The following LSAMP variants were observed in gnomAD, a reference collection of about 807,000 sequenced individuals.
The protein encoded by LSAMP is limbic system associated membrane protein, also known as limbic system-associated membrane protein.
Under a neutral mutation model 38.6 loss-of-function variants are expected in LSAMP, and 7 were observed. The ratio of observed to expected loss-of-function variants is 0.18; its 90% CI spans 0.10 to 0.34. The LOEUF is 0.34. LSAMP is among the 10% of genes least tolerant of loss of function. The probability of loss-of-function intolerance (pLI) is 1.00; values close to 1 mark genes in which losing one functional copy is unlikely to be tolerated. For synonymous variants in LSAMP, 154 were observed against 166.8 expected (o/e 0.92, Z 0.59); for missense variants, 313 against 420.0 (o/e 0.75, Z 2.23).
At chr3:115,946,788 CTAT>C (rs1469385956) in intron 3 of LSAMP, among the ~76,000 whole-genome samples, 5 of 151,900 alleles carry the variant, frequency 3.3e-5, no homozygotes, top group Non-Finnish European at 4.4e-5. Flanking sequence ...TTTGAGGTCA[CTAT>C]AATCTCAATA....
In LSAMP at chr3:116,224,443, A is replaced by G. The variant is rs532325555; in HGVS notation, c.156-137887T>C. Among the ~76,000 whole-genome samples the G allele has an allele frequency of 1.2e-4, 18 of 152,346 alleles. No individual in the cohort carries two copies. In the South Asian group the frequency reaches 3.5e-3, roughly 30 times the overall value. The stretch of plus-strand genomic sequence containing the variant: ...GCCTTTCCTTTTAGAATAACTGTTC[A>G]ACTCACTGGCAGATTGCAATGGAAT... On this transcript the variant is annotated intron_variant, in intron 1 of 6. Coordinates refer to ENST00000490035, the MANE Select transcript of LSAMP (RefSeq NM_002338.5).
chr3:115,868,145 C>T (rs1182017447), intron 3 of LSAMP, among the ~76,000 whole-genome samples: 1 of 152,146 alleles, frequency 6.6e-6, no homozygotes, highest in African/African-American at 2.4e-5. Context: ...TTAGCTCCTA[C>T]ATTCAACTCA....
intron 1 of LSAMP, among the ~76,000 whole-genome samples, chr3:116,373,315 G>C (rs1334091639): frequency 6.6e-6 from 1 of 151,452 alleles, no homozygotes; most frequent in Non-Finnish European, 1.5e-5. Context: ...GATGAAACTT[G>C]AAGGCATTAT....
At chr3:116,383,778 C>T (rs1415440394) in intron 1 of LSAMP, among the ~76,000 whole-genome samples, 1 of 152,120 alleles carries the variant, frequency 6.6e-6, no homozygotes, top group Admixed American at 6.6e-5. Flanking sequence ...TGTTCTTATT[C>T]ACCAATGCCA....
At chr3:116,372,141 C>T (rs1013885882) in intron 1 of LSAMP, among the ~76,000 whole-genome samples, 1 of 151,938 alleles carries the variant, frequency 6.6e-6, no homozygotes, top group Non-Finnish European at 1.5e-5. Flanking sequence ...ATCAAAATCC[C>T]AATGACATTT....
intron 3 of LSAMP, among the ~76,000 whole-genome samples, chr3:115,966,981 A>G (rs1428255959): frequency 6.6e-6 from 1 of 152,214 alleles, no homozygotes; most frequent in African/African-American, 2.4e-5. Context: ...AGAACTTTAA[A>G]GATATAGGTA....
intron 1 of LSAMP, among the ~76,000 whole-genome samples, chr3:116,087,115 G>T (rs73139194): frequency 0.064 from 9,678 of 152,246 alleles, 387 homozygotes; most frequent in Non-Finnish European, 0.094. Flanking sequence ...TAAGGGGATA[G>T]GTGTTATGAC....
chr3:116,115,682 C>CA (rs796405320), intron 1 of LSAMP, among the ~76,000 whole-genome samples: 2 of 150,230 alleles, frequency 1.3e-5, no homozygotes, highest in Admixed American at 6.9e-5. Context: ...AAAAACAAAA[C>CA]AAAAAAAACT....
intron 1 of LSAMP, among the ~76,000 whole-genome samples, chr3:116,345,375 C>T (rs918486080): frequency 6.6e-6 from 1 of 151,968 alleles, no homozygotes; most frequent in Non-Finnish European, 1.5e-5. Flanking sequence ...GGCTGTCAAC[C>T]CCTCAGAGCA....
At chr3:115,823,335 T>C (rs927733263) in intron 6 of LSAMP, among the ~76,000 whole-genome samples, 6 of 152,232 alleles carry the variant, frequency 3.9e-5, no homozygotes, top group African/African-American at 1.4e-4. Context: ...GGGCAGCTCC[T>C]GGGCCTGCCT....
At chr3:116,042,698 G>A (rs1941202150) in intron 2 of LSAMP, among the ~76,000 whole-genome samples, 1 of 152,154 alleles carries the variant, frequency 6.6e-6, no homozygotes, top group South Asian at 2.1e-4. Flanking sequence ...AAAGTGCTGG[G>A]ATTACAGGTG....
intron 3 of LSAMP, among the ~76,000 whole-genome samples, chr3:115,988,128 G>A (rs1392837823): frequency 3.3e-5 from 5 of 152,082 alleles, no homozygotes; most frequent in Non-Finnish European, 5.9e-5. Flanking sequence ...AAGTAAACCA[G>A]ACAAAGGTAA....
At chr3:115,950,583 G>A (rs1938249924) in intron 3 of LSAMP, among the ~76,000 whole-genome samples, 1 of 151,968 alleles carries the variant, frequency 6.6e-6, no homozygotes, top group African/African-American at 2.4e-5. Context: ...ATTGCCAAAA[G>A]AAATCATTTA....
At chr3:116,252,258 A>G (rs2046693408) in intron 1 of LSAMP, among the ~76,000 whole-genome samples, 1 of 152,226 alleles carries the variant, frequency 6.6e-6, no homozygotes, top group Non-Finnish European at 1.5e-5. Context: ...TAAGGAGGGC[A>G]AGGCAGTTGG....
chr3:115,884,344 T>C (rs1479410596), intron 3 of LSAMP, among the ~76,000 whole-genome samples: 2 of 152,022 alleles, frequency 1.3e-5, no homozygotes, highest in Non-Finnish European at 2.9e-5. Flanking sequence ...GAAGAACAAA[T>C]GGTGGACATC....
At chr3:116,120,770 G>A (rs1263010147) in intron 1 of LSAMP, among the ~76,000 whole-genome samples, 3 of 152,280 alleles carry the variant, frequency 2.0e-5, no homozygotes, top group South Asian at 2.1e-4. Flanking sequence ...TACATGCAAA[G>A]TTTGTGTTTG....
intron 3 of LSAMP, among the ~76,000 whole-genome samples, chr3:115,861,520 G>C (rs966003520): frequency 8.1e-6 from 1 of 122,892 alleles, no homozygotes. Context: ...CTGTCCCCCT[G>C]GCGGTAGGAG....
At chr3:116,158,682 A>G (rs1045869693) in intron 1 of LSAMP, among the ~76,000 whole-genome samples, 4 of 152,032 alleles carry the variant, frequency 2.6e-5, no homozygotes, top group African/African-American at 9.7e-5. Context: ...ACAAAGCACA[A>G]CTCAGAGAAA....
rs886579000 is a variant in LSAMP, at chr3:115,938,216, A to C, written c.514+81299T>G. ...TATTATGAGTGTGGTTTATGAGAGAAAAATGACCCAGAACTCTACTGAGCA... is the reference window on the plus strand; with the variant it reads ...TATTATGAGTGTGGTTTATGAGAGACAAATGACCCAGAACTCTACTGAGCA... On this transcript the variant is annotated intron_variant, in intron 3 of 6. Transcript: ENST00000490035. 3.3e-5 allele frequency among the ~76,000 whole-genome samples: 5 copies of C among 152,208 alleles called. No homozygotes were observed. In the East Asian group the frequency reaches 7.7e-4, roughly 23 times the overall value.
Sources: gnomAD v4.1 joint callset for allele counts (sites outside exome capture counted in the v4.1 genomes callset) on GRCh38, gnomAD v4.1.1 for gene constraint, MANE v1.5 for transcripts, NCBI Gene and HGNC (gene_info 2026-07-23, HGNC 2026-07-21) for gene names.